Variants in HEMK2 observed in about 807,000 individuals in gnomAD.
The protein encoded by HEMK2 is HemK methyltransferase 2, ETF1 glutamine and histone H4 lysine, also known as methyltransferase HEMK2.
chr21:28,702,449 C>T, the HEMK2 span, among the ~76,000 whole-genome samples: 84,538 of 151,590 alleles, frequency 0.56, 26,172 homozygotes, highest in East Asian at 0.84. Flanking sequence ...CTATAAGGAG[C>T]TTAAATCAAT....
At chr21:28,631,062 T>C in the HEMK2 span, among the ~76,000 whole-genome samples, 1 of 152,290 alleles carries the variant, frequency 6.6e-6, no homozygotes, top group South Asian at 2.1e-4. Flanking sequence ...TGTGTGCCTC[T>C]CTCACCAACT....
At chr21:28,623,331 A>G in the HEMK2 span, among the ~76,000 whole-genome samples, 1 of 152,238 alleles carries the variant, frequency 6.6e-6, no homozygotes, top group African/African-American at 2.4e-5. Flanking sequence ...AAGTGAGGAA[A>G]CAACAGATGC....
chr21:28,752,002 C>G, the HEMK2 span, among the ~76,000 whole-genome samples: 869 of 152,126 alleles, frequency 5.7e-3, 7 homozygotes, highest in Middle Eastern at 0.048. Context: ...GTTTTATAGA[C>G]AAGAAATTGG....
the HEMK2 span, among the ~76,000 whole-genome samples, chr21:28,586,486 C>G: frequency 2.6e-5 from 4 of 152,172 alleles, no homozygotes; most frequent in African/African-American, 7.2e-5. Context: ...AATCCTCTGC[C>G]ATCTCAAAAC....
At chr21:28,877,422 GAA>G in the HEMK2 span, among the ~76,000 whole-genome samples, 4 of 147,968 alleles carry the variant, frequency 2.7e-5, no homozygotes, top group Non-Finnish European at 4.5e-5. Context: ...AGGAAGGAAA[GAA>G]AGAGAGAGAG....
chr21:28,723,249 CA>C, the HEMK2 span, among the ~76,000 whole-genome samples: 4 of 152,140 alleles, frequency 2.6e-5, no homozygotes, highest in African/African-American at 9.7e-5. Context: ...CTCTTGGCTT[CA>C]AAAGATCCTT....
At chr21:28,882,350 A>C in the HEMK2 span, 1 of 836,196 alleles carries the variant, frequency 1.2e-6, no homozygotes, top group Non-Finnish European at 1.9e-6. Flanking sequence ...CACAGAACAG[A>C]TTTAGAAAAA....
the HEMK2 span, among the ~76,000 whole-genome samples, chr21:28,783,764 G>A: frequency 7.9e-5 from 12 of 152,254 alleles, no homozygotes; most frequent in East Asian, 5.8e-4. Context: ...AGGGAGCAGC[G>A]CGGGCAGAAA....
At chr21:28,682,783 T>C in the HEMK2 span, among the ~76,000 whole-genome samples, 1 of 152,110 alleles carries the variant, frequency 6.6e-6, no homozygotes, top group Non-Finnish European at 1.5e-5. Context: ...ACCATCATTC[T>C]CAGCAAACTA....
chr21:28,740,031 C>T, the HEMK2 span, among the ~76,000 whole-genome samples: 1 of 152,304 alleles, frequency 6.6e-6, no homozygotes, highest in Non-Finnish European at 1.5e-5. Flanking sequence ...CATCCCAACA[C>T]CTTGTGTAAA....
chr21:28,691,981 C>G, the HEMK2 span, among the ~76,000 whole-genome samples: 2 of 152,196 alleles, frequency 1.3e-5, no homozygotes, highest in African/African-American at 2.4e-5. Flanking sequence ...CAGGAAGCTA[C>G]TAAATCTTAC....
chr21:28,821,445 G>A, the HEMK2 span, among the ~76,000 whole-genome samples: 1 of 152,172 alleles, frequency 6.6e-6, no homozygotes, highest in Non-Finnish European at 1.5e-5. Context: ...GAAAGAAACT[G>A]ACTTTCAATA....
At chr21:28,750,656 G>A in the HEMK2 span, among the ~76,000 whole-genome samples, 3 of 138,288 alleles carry the variant, frequency 2.2e-5, no homozygotes, top group East Asian at 2.2e-4. Flanking sequence ...AGCAGAGATC[G>A]CACCGTTGCA....
At chr21:28,802,749 A>T in the HEMK2 span, among the ~76,000 whole-genome samples, 80 of 152,338 alleles carry the variant, frequency 5.3e-4, no homozygotes, top group African/African-American at 1.7e-3. Context: ...ATAAAAAATT[A>T]AAAAAGAAAT....
the HEMK2 span, among the ~76,000 whole-genome samples, chr21:28,838,316 C>T: frequency 1.3e-5 from 2 of 151,938 alleles, no homozygotes; most frequent in African/African-American, 2.4e-5. Context: ...AGGTGGATCA[C>T]GAGGTCAGGA....
At chr21:28,876,849 A>G in the HEMK2 span, among the ~76,000 whole-genome samples, 2 of 152,094 alleles carry the variant, frequency 1.3e-5, no homozygotes, top group African/African-American at 2.4e-5. Flanking sequence ...ACAAAAGCCA[A>G]TGAAGGTGTG....
At chr21:28,809,517 C>T in the HEMK2 span, among the ~76,000 whole-genome samples, 1 of 152,092 alleles carries the variant, frequency 6.6e-6, no homozygotes, top group South Asian at 2.1e-4. Context: ...AAGAGCTGAA[C>T]AGTTTTCCCA....
At chr21:28,783,872 C>G in the HEMK2 span, among the ~76,000 whole-genome samples, 1 of 152,214 alleles carries the variant, frequency 6.6e-6, no homozygotes, top group African/African-American at 2.4e-5. Flanking sequence ...CACCACCAGC[C>G]CCGGGCAGTG....
chr21:28,850,570 A>C, the HEMK2 span, among the ~76,000 whole-genome samples: 1 of 152,206 alleles, frequency 6.6e-6, no homozygotes, highest in African/African-American at 2.4e-5. Flanking sequence ...ACTAAGCTTC[A>C]TAAGTGAAGG....
Sources: allele counts gnomAD v4.1 joint callset (sites outside exome capture counted in the v4.1 genomes callset), GRCh38; gene constraint gnomAD v4.1.1; transcripts MANE v1.5; gene names NCBI Gene and HGNC (gene_info 2026-07-23, HGNC 2026-07-21).